ASPSCR1: variants seen among roughly 807,000 people sequenced by gnomAD.
ASPSCR1 encodes the protein tether containing UBX domain for GLUT4.
In ASPSCR1, 55 loss-of-function variants were observed where a neutral mutation model predicts 68.9. The ratio of observed to expected loss-of-function variants is 0.80; its 90% CI spans 0.64 to 1.00. The LOEUF (loss-of-function observed/expected upper bound fraction) is 1.00, where lower values mean the gene tolerates loss of function less well. ASPSCR1 is among the 50% of genes least tolerant of loss of function. The pLI is 0.00. For synonymous variants in ASPSCR1, 352 were observed against 332.6 expected (o/e 1.06, Z -0.63); for missense variants, 765 against 762.2 (o/e 1.00, Z -0.04).
At chr17:82,015,105 A>G in intron 12 of ASPSCR1, 1 of 1,597,872 alleles carries the variant, frequency 6.3e-7, no homozygotes, top group Non-Finnish European at 8.5e-7. Context: ...GGCTCCATTC[A>G]CCCTGGGTCC....
chr17:81,996,270 G>A (rs1468310520), intron 6 of ASPSCR1, 150 bp from the exon 7 acceptor site: 6 of 1,417,100 alleles, frequency 4.2e-6, no homozygotes, highest in Non-Finnish European at 5.6e-6. Context: ...GAGGGGCGGT[G>A]GATCTTGGGA....
At chr17:82,011,448 G>A (rs2042938364) in intron 10 of ASPSCR1, 95 bp from the exon 11 acceptor site, 1 of 1,188,818 alleles carries the variant, frequency 8.4e-7, no homozygotes, top group African/African-American at 1.6e-5. Flanking sequence ...CTCGGGGAAA[G>A]GCCCAGGAGG....
chr17:82,009,681 G>A (rs923150225), intron 9 of ASPSCR1, 114 bp downstream of exon 9: 8 of 816,654 alleles, frequency 9.8e-6, no homozygotes, highest in African/African-American at 3.6e-5. Context: ...CCCCTGTGAG[G>A]TCTGTGGACA....
At chr17:81,995,005 G>C in intron 5 of ASPSCR1, 127 bp downstream of exon 5, 3 of 1,066,420 alleles carry the variant, frequency 2.8e-6, no homozygotes, top group Non-Finnish European at 3.9e-6. Flanking sequence ...AAAGCACGAC[G>C]TGTTTCATGG....
At chr17:81,991,848 G>A (rs1407188568) in intron 4 of ASPSCR1, among the ~76,000 whole-genome samples, 1 of 152,354 alleles carries the variant, frequency 6.6e-6, no homozygotes, top group East Asian at 1.9e-4. Context: ...GCCCGGCTTT[G>A]TCATACCCAG....
At chr17:81,979,905 C>G (rs138477498) in intron 2 of ASPSCR1, among the ~76,000 whole-genome samples, 2 of 152,222 alleles carry the variant, frequency 1.3e-5, no homozygotes, top group African/African-American at 4.8e-5. Context: ...GGTCAGAGCC[C>G]TCATATGGAT....
intron 2 of ASPSCR1, among the ~76,000 whole-genome samples, chr17:81,982,310 G>A (rs1449384355): frequency 6.6e-6 from 1 of 152,250 alleles, no homozygotes; most frequent in African/African-American, 2.4e-5. Flanking sequence ...GGTCTGTGTG[G>A]TGGTGTCTGG....
intron 4 of ASPSCR1, among the ~76,000 whole-genome samples, chr17:81,988,791 C>G (rs1002549816): frequency 2.0e-5 from 3 of 152,184 alleles, no homozygotes; most frequent in Non-Finnish European, 4.4e-5. Flanking sequence ...GGCTGTGTCT[C>G]AGGGCATCCC....
rs376138915 is a variant in ASPSCR1 at position 81,985,612 on chromosome 17, G to A, written c.374+5G>A. ...CAGCCATTTTCCACAGATCAGGTGA[G>A]CATCAGTGGGCTGGGGGCTCTTCCC... is the stretch of plus-strand genomic sequence containing the variant. On this transcript the variant is annotated splice_donor_5th_base_variant and intron_variant, in intron 4 of 15. Transcript: ENST00000306739. The A allele has an allele frequency of 1.1e-4, 175 of 1,611,986 alleles. No homozygotes were observed. In the African/African-American group the frequency reaches 2.1e-3, roughly 19 times the overall value.
At chr17:81,998,856 C>G (rs544319290) in intron 7 of ASPSCR1, among the ~76,000 whole-genome samples, 14 of 152,382 alleles carry the variant, frequency 9.2e-5, no homozygotes, top group African/African-American at 3.1e-4. Flanking sequence ...CACTGGGGCA[C>G]TGGGCCCTTG....
At chr17:82,012,139 G>A (rs767142775) in intron 11 of ASPSCR1, 92 bp from the exon 12 acceptor site, 10 of 1,431,128 alleles carry the variant, frequency 7.0e-6, no homozygotes, top group African/African-American at 4.2e-5. Flanking sequence ...CACTTGAGGC[G>A]TCACCCCCAT....
chr17:82,009,241 C>A, intron 8 of ASPSCR1, 50 bp downstream of exon 8: 1 of 1,535,090 alleles, frequency 6.5e-7, no homozygotes, highest in Admixed American at 2.0e-5. Context: ...GGGTTTGCCC[C>A]ATCGGGTGCT....
At chr17:81,991,632 TCTGGACCTGG>T (rs1442606653) in intron 4 of ASPSCR1, among the ~76,000 whole-genome samples, 1 of 152,214 alleles carries the variant, frequency 6.6e-6, no homozygotes, top group Non-Finnish European at 1.5e-5. Flanking sequence ...TCCATCCCTG[TCTGGACCTGG>T]CTGGGTTGAG....
rs544000952 is a variant in ASPSCR1, at chr17:82,010,727, C to T, written c.1171-75C>T. The T allele has an allele frequency of 3.3e-5, 49 of 1,496,806 alleles. No individual in the cohort carries two copies. The African/African-American group carries it at 3.4e-4, about 11-fold the overall frequency. The allele number at this position is 1,496,806 out of a possible 1,614,324, so 92.7% of individuals were successfully genotyped here. ...CTGGTGTCCATGGCCCAGCATGGGC[C>T]GAGTGGGGAGGCCACGCCCTGGTCC... On this transcript the variant is annotated intron_variant, in intron 9 of 15. Transcript: ENST00000306739.
intron 1 of ASPSCR1, 145 bp from the exon 2 acceptor site, chr17:81,979,039 G>A (rs1227322020): frequency 1.6e-5 from 12 of 768,068 alleles, no homozygotes; most frequent in African/African-American, 3.4e-5. Context: ...TGCGGGGACC[G>A]TCCATAGTGT....
chr17:82,017,169 G>T, intron 15 of ASPSCR1, 56 bp downstream of exon 15: 1 of 1,567,402 alleles, frequency 6.4e-7, no homozygotes, highest in South Asian at 1.1e-5. Flanking sequence ...GCGGGGGTCC[G>T]GGTGCTGTGG....
chr17:81,995,701 G>C (rs2042313474), intron 5 of ASPSCR1, among the ~76,000 whole-genome samples: 2 of 152,218 alleles, frequency 1.3e-5, no homozygotes, highest in African/African-American at 4.8e-5. Flanking sequence ...CCTCCTTGCA[G>C]CCCAGCTCTG....
chr17:81,988,712 C>T (rs900097850), intron 4 of ASPSCR1, among the ~76,000 whole-genome samples: 3 of 152,122 alleles, frequency 2.0e-5, no homozygotes, highest in Non-Finnish European at 2.9e-5. Context: ...TGAAGGGTCC[C>T]GCACCTGTCA....
At chr17:81,982,770 CTTTT>C (rs1644719464) in intron 2 of ASPSCR1, 1 of 151,220 alleles carries the variant, frequency 6.6e-6, no homozygotes, top group Non-Finnish European at 1.5e-5. Flanking sequence ...TTCTTCTTCT[CTTTT>C]TCTTTTTCTT....
Sources: allele counts gnomAD v4.1 joint callset (sites outside exome capture counted in the v4.1 genomes callset), GRCh38; gene constraint gnomAD v4.1.1; transcripts MANE v1.5; gene names NCBI Gene and HGNC (gene_info 2026-07-23, HGNC 2026-07-21).